The following DLG2 variants were observed in gnomAD, a reference collection of about 807,000 sequenced individuals.
DLG2 encodes the protein disks large homolog 2.
A neutral mutation model predicts 132.5 loss-of-function variants in DLG2; 45 were observed. The ratio of observed to expected loss-of-function variants is 0.34; its 90% CI spans 0.27 to 0.44. The LOEUF (loss-of-function observed/expected upper bound fraction) is 0.44. Among genes scored for constraint, DLG2 ranks in the 20% least tolerant of loss-of-function variants. The pLI, the probability that DLG2 is intolerant of heterozygous loss-of-function variation, is 1.00. For synonymous variants in DLG2, 424 were observed against 419.6 expected (o/e 1.01, Z -0.13); for missense variants, 1,045 against 1,196.9 (o/e 0.87, Z 1.87).
At chr11:83,603,073 CGTGT>C (rs952014927) in intron 19 of DLG2, among the ~76,000 whole-genome samples, 6 of 150,798 alleles carry the variant, frequency 4.0e-5, no homozygotes, top group Non-Finnish European at 7.4e-5. Flanking sequence ...TATGTGTGTT[CGTGT>C]GTGTGTGAAT....
intron 3 of DLG2, among the ~76,000 whole-genome samples, chr11:85,330,777 T>TA (rs1278273258): frequency 0.13 from 5,504 of 43,254 alleles, 173 homozygotes; most frequent in East Asian, 0.21. Flanking sequence ...TAGAGTATAA[T>TA]AAAAAAAAAA....
At chr11:83,707,931 C>A (rs772312174) in intron 18 of DLG2, among the ~76,000 whole-genome samples, 7 of 152,074 alleles carry the variant, frequency 4.6e-5, no homozygotes, top group Non-Finnish European at 1.0e-4. Flanking sequence ...GAGTTAGAGT[C>A]CCACCTTTGA....
intron 4 of DLG2, among the ~76,000 whole-genome samples, chr11:85,253,429 G>A (rs1339688951): frequency 1.3e-5 from 2 of 152,110 alleles, no homozygotes; most frequent in African/African-American, 4.8e-5. Flanking sequence ...TGCTGGGAGG[G>A]GTGAACTCCA....
intron 3 of DLG2, among the ~76,000 whole-genome samples, chr11:85,320,403 T>C (rs1451074350): frequency 6.6e-6 from 1 of 151,854 alleles, no homozygotes; most frequent in East Asian, 1.9e-4. Context: ...TTGTATATTA[T>C]GCAGTCTCTT....
chr11:85,177,676 A>G (rs568116209), intron 4 of DLG2, among the ~76,000 whole-genome samples: 1 of 152,200 alleles, frequency 6.6e-6, no homozygotes, highest in African/African-American at 2.4e-5. Flanking sequence ...CAGAACTTAA[A>G]TGTTGAAGAA....
chr11:84,438,496 C>T (rs1019912190), intron 7 of DLG2, among the ~76,000 whole-genome samples: 5 of 151,992 alleles, frequency 3.3e-5, no homozygotes, highest in Non-Finnish European at 5.9e-5. Context: ...TAAAAAAACC[C>T]AGGTTTTCTT....
chr11:85,309,206 C>T (rs1323311605), intron 3 of DLG2, among the ~76,000 whole-genome samples: 2 of 151,950 alleles, frequency 1.3e-5, no homozygotes, highest in African/African-American at 2.4e-5. Flanking sequence ...TATCAATCCA[C>T]CTGCAAAAAA....
At chr11:84,040,789 T>C (rs909468175) in intron 11 of DLG2, among the ~76,000 whole-genome samples, 1 of 151,664 alleles carries the variant, frequency 6.6e-6, no homozygotes, top group Non-Finnish European at 1.5e-5. Context: ...GGGATGGCAT[T>C]GAATCTGTAA....
At chr11:84,591,703 C>A (rs1380568868) in intron 6 of DLG2, among the ~76,000 whole-genome samples, 2 of 151,798 alleles carry the variant, frequency 1.3e-5, no homozygotes, top group African/African-American at 2.4e-5. Flanking sequence ...AAAGAAAGAA[C>A]TAACAGCTTG....
chr11:84,591,780 G>A (rs1052117224), intron 6 of DLG2, among the ~76,000 whole-genome samples: 3 of 152,178 alleles, frequency 2.0e-5, no homozygotes, highest in African/African-American at 7.2e-5. Context: ...TACAACTCCT[G>A]ATACCCAGTT....
chr11:84,489,856 T>C (rs1004497963), intron 7 of DLG2, among the ~76,000 whole-genome samples: 1 of 151,932 alleles, frequency 6.6e-6, no homozygotes, highest in African/African-American at 2.4e-5. Context: ...GGAATTATTT[T>C]TGCCGGAGGA....
intron 8 of DLG2, among the ~76,000 whole-genome samples, chr11:84,233,169 T>C (rs1473091496): frequency 1.3e-5 from 2 of 152,142 alleles, no homozygotes; most frequent in African/African-American, 4.8e-5. Flanking sequence ...ACCTCCTCCC[T>C]AGCCACAACC....
At chr11:84,714,190 A>G (rs756974708) in intron 6 of DLG2, among the ~76,000 whole-genome samples, 67 of 71,830 alleles carry the variant, frequency 9.3e-4, no homozygotes, top group Admixed American at 2.3e-3. Context: ...AAAAAAAAAC[A>G]TATACCAAAA....
At chr11:85,393,752 T>C (rs2087022133) in intron 3 of DLG2, among the ~76,000 whole-genome samples, 1 of 152,024 alleles carries the variant, frequency 6.6e-6, no homozygotes, top group Non-Finnish European at 1.5e-5. Flanking sequence ...GTATATTTTA[T>C]GTATATATGT....
At chr11:84,618,022 A>G (rs953318887) in intron 6 of DLG2, among the ~76,000 whole-genome samples, 2 of 152,136 alleles carry the variant, frequency 1.3e-5, no homozygotes, top group Non-Finnish European at 2.9e-5. Context: ...AAGAACACTT[A>G]AAAAAGGAAG....
intron 3 of DLG2, among the ~76,000 whole-genome samples, chr11:85,563,035 A>G (rs1439937002): frequency 6.6e-6 from 1 of 151,640 alleles, no homozygotes; most frequent in African/African-American, 2.4e-5. Flanking sequence ...ACTCAATTCA[A>G]TATTGACTGA....
intron 3 of DLG2, among the ~76,000 whole-genome samples, chr11:85,577,136 G>A (rs189766216): frequency 6.6e-6 from 1 of 152,258 alleles, no homozygotes; most frequent in Admixed American, 6.5e-5. Flanking sequence ...CAGGAAGCCA[G>A]TGAAAGATTT....
At chr11:84,950,730 C>T (rs942759314) in intron 6 of DLG2, among the ~76,000 whole-genome samples, 3 of 132,832 alleles carry the variant, frequency 2.3e-5, no homozygotes, top group African/African-American at 9.4e-5. Flanking sequence ...CACGTGCATA[C>T]ACACACACAC....
chr11:85,256,735 G>A (rs2076689747), intron 4 of DLG2, among the ~76,000 whole-genome samples: 1 of 152,206 alleles, frequency 6.6e-6, no homozygotes, highest in East Asian at 1.9e-4. Context: ...GGGGGGGTCA[G>A]GGAACTCTCC....
Sources: gnomAD v4.1 joint callset for allele counts (sites outside exome capture counted in the v4.1 genomes callset) on GRCh38, gnomAD v4.1.1 for gene constraint, MANE v1.5 for transcripts, NCBI Gene and HGNC (gene_info 2026-07-23, HGNC 2026-07-21) for gene names.